PAPPA2: variants seen among roughly 807,000 people sequenced by gnomAD.
PAPPA2 encodes pappalysin-2.
PAPPA2 carries 86 observed loss-of-function variants against 176.4 expected under a neutral mutation model. That is an observed-to-expected ratio of 0.49 (90% confidence interval 0.41 to 0.58). PAPPA2 has a LOEUF of 0.58. Among genes scored for constraint, PAPPA2 ranks in the 20% least tolerant of loss-of-function variants. PAPPA2 has a pLI of 0.00. For synonymous variants in PAPPA2, 809 were observed against 852.2 expected, an observed-to-expected ratio of 0.95 and a Z score of 0.88; for missense variants, 2,073 against 2,256.9, an observed-to-expected ratio of 0.92 and a Z score of 1.65.
intron 14 of PAPPA2, among the ~76,000 whole-genome samples, chr1:176,755,292 G>T (rs1663362828): frequency 6.6e-6 from 1 of 152,144 alleles, no homozygotes; most frequent in South Asian, 2.1e-4. Flanking sequence ...TTCTGCATGT[G>T]AATTTGGGAG....
rs936162465 is a variant in PAPPA2, at chr1:176,664,306, A to G, written c.1992-6664A>G. Among the ~76,000 whole-genome samples, 16 of 152,306 alleles carry G rather than the reference A, an allele frequency of 1.1e-4. No individual in the cohort carries two copies. In the East Asian group the frequency reaches 2.9e-3, roughly 28 times the overall value. On this transcript the variant is annotated intron_variant, in intron 3 of 22. Transcript: ENST00000367662. ...CATGCCTTTGTGGAAGTTCTAGAGG[A>G]CGATCTACTGCTTTGCTTTGTCCAG...
At chr1:176,565,766 C>T (rs1296777115) in intron 2 of PAPPA2, among the ~76,000 whole-genome samples, 2 of 148,784 alleles carry the variant, frequency 1.3e-5, no homozygotes, top group Non-Finnish European at 3.0e-5. Flanking sequence ...TCTGAGAATA[C>T]TTCAGTGGTC....
chr1:176,605,583 T>G (rs1654563029), intron 3 of PAPPA2, among the ~76,000 whole-genome samples: 1 of 152,236 alleles, frequency 6.6e-6, no homozygotes, highest in South Asian at 2.1e-4. Flanking sequence ...ATTTATCTCA[T>G]TGAGTTTTTC....
At chr1:176,770,641 T>C (rs1557860746) in intron 16 of PAPPA2, among the ~76,000 whole-genome samples, 2 of 152,232 alleles carry the variant, frequency 1.3e-5, no homozygotes, top group Non-Finnish European at 2.9e-5. Flanking sequence ...ATTATTTTAA[T>C]GCTTTCTATG....
chr1:176,754,396 T>C (rs1049182978), intron 14 of PAPPA2, among the ~76,000 whole-genome samples: 6 of 152,240 alleles, frequency 3.9e-5, no homozygotes, highest in Non-Finnish European at 1.5e-5. Flanking sequence ...TCCAGAGGCC[T>C]CTTTAAAATA....
chr1:176,495,964 G>A (rs1647595086), intron 1 of PAPPA2, among the ~76,000 whole-genome samples: 1 of 152,060 alleles, frequency 6.6e-6, no homozygotes, highest in South Asian at 2.1e-4. Context: ...AATTTTACAT[G>A]TATCACATTT....
chr1:176,576,067 G>A (rs879378360), intron 2 of PAPPA2, among the ~76,000 whole-genome samples: 8 of 152,030 alleles, frequency 5.3e-5, no homozygotes, highest in Non-Finnish European at 1.0e-4. Context: ...TTCATCCTTA[G>A]CTCTTGGATT....
intron 4 of PAPPA2, among the ~76,000 whole-genome samples, chr1:176,688,431 T>C (rs1659947246): frequency 6.6e-6 from 1 of 152,196 alleles, no homozygotes; most frequent in Non-Finnish European, 1.5e-5. Flanking sequence ...ATACTGTGTT[T>C]CTCCAGGTTT....
intron 3 of PAPPA2, among the ~76,000 whole-genome samples, chr1:176,630,672 T>C (rs368779436): frequency 4.6e-5 from 7 of 152,068 alleles, no homozygotes; most frequent in African/African-American, 1.7e-4. Flanking sequence ...AAGATGGATA[T>C]AGGAAACATT....
Position 176,594,762 on chromosome 1 carries a change from T to C in PAPPA2, c.1158T>C (p.Ala386=). ...TGTATGTGGATGGCACTCAGGTGGCTAGCAGTCTAGACCAGTCTGGTCCCC... is the reference window on the plus strand; with the variant it reads ...TGTATGTGGATGGCACTCAGGTGGCCAGCAGTCTAGACCAGTCTGGTCCCC... ...MALYVDGTQV[A]SSLDQSGPLN... Residue 386 remains alanine, a synonymous_variant, in exon 3 of 23, where the codon GCT becomes GCC. Transcript: ENST00000367662. 1 of 1,614,244 alleles carries C rather than the reference T, an allele frequency of 6.2e-7. No homozygotes were observed. The highest frequency in any genetic ancestry group is 1.7e-5 in the Admixed American group (1 of 60,038).
chr1:176,573,815 T>C (rs1360506802), intron 2 of PAPPA2, among the ~76,000 whole-genome samples: 2 of 152,112 alleles, frequency 1.3e-5, no homozygotes, highest in Non-Finnish European at 2.9e-5. Context: ...TAGTAGGTAA[T>C]ATCAAAGCAG....
chr1:176,827,073 T>C (rs1241707547), intron 21 of PAPPA2, among the ~76,000 whole-genome samples: 14 of 152,226 alleles, frequency 9.2e-5, no homozygotes, highest in Admixed American at 9.2e-4. Context: ...TTTCAAGTGG[T>C]CCTGATGACT....
chr1:176,673,030 C>A (rs773714550), intron 4 of PAPPA2, among the ~76,000 whole-genome samples: 2 of 151,948 alleles, frequency 1.3e-5, no homozygotes, highest in African/African-American at 4.8e-5. Flanking sequence ...ACAATTACTA[C>A]GAGTGAAAAA....
At chr1:176,526,760 G>C (rs926482857) in intron 1 of PAPPA2, among the ~76,000 whole-genome samples, 1 of 152,200 alleles carries the variant, frequency 6.6e-6, no homozygotes, top group African/African-American at 2.4e-5. Flanking sequence ...TCTTTCACAG[G>C]AGCTACTAGG....
chr1:176,625,719 G>T (rs766191905), intron 3 of PAPPA2, among the ~76,000 whole-genome samples: 1 of 152,182 alleles, frequency 6.6e-6, no homozygotes, highest in African/African-American at 2.4e-5. Flanking sequence ...AATGTCATAT[G>T]TGGAGAAGAG....
At chr1:176,554,318 G>T (rs955646972) in intron 1 of PAPPA2, among the ~76,000 whole-genome samples, 4 of 152,214 alleles carry the variant, frequency 2.6e-5, no homozygotes, top group Admixed American at 2.6e-4. Flanking sequence ...CTTTAAAAGT[G>T]TAAGTGATTT....
At chr1:176,615,829 A>G (rs1655190197) in intron 3 of PAPPA2, among the ~76,000 whole-genome samples, 1 of 152,236 alleles carries the variant, frequency 6.6e-6, no homozygotes, top group African/African-American at 2.4e-5. Flanking sequence ...GGAATAAACC[A>G]CATAAGGTCT....
chr1:176,678,705 A>G (rs1487934274), intron 4 of PAPPA2, among the ~76,000 whole-genome samples: 2 of 151,948 alleles, frequency 1.3e-5, no homozygotes, highest in Non-Finnish European at 2.9e-5. Context: ...ATAGTGATGT[A>G]GGCAGAATCA....
chr1:176,745,091 T>C (rs933190306), intron 14 of PAPPA2, among the ~76,000 whole-genome samples: 1 of 152,210 alleles, frequency 6.6e-6, no homozygotes, highest in African/African-American at 2.4e-5. Flanking sequence ...AATTTGTTTG[T>C]TGCCTCTTGG....
Sources: allele counts gnomAD v4.1 joint callset (sites outside exome capture counted in the v4.1 genomes callset), GRCh38; gene constraint gnomAD v4.1.1; transcripts MANE v1.5; gene names NCBI Gene and HGNC (gene_info 2026-07-23, HGNC 2026-07-21).